The following DNAJC5 variants were observed in gnomAD, a reference collection of about 807,000 sequenced individuals.
DNAJC5 encodes the protein dnaJ homolog subfamily C member 5.
Under a neutral mutation model 23.2 loss-of-function variants are expected in DNAJC5, and 1 was observed. That is an observed-to-expected ratio of 0.04 (90% CI 0.02 to 0.20). The LOEUF (loss-of-function observed/expected upper bound fraction) is 0.20. Ranked by LOEUF, DNAJC5 falls within the 10% of genes least tolerant of loss-of-function variation. The pLI is 1.00. For missense variants in DNAJC5, 180 were observed against 267.0 expected (o/e 0.67, Z 2.27); for synonymous variants, 136 against 120.0 (o/e 1.13, Z -0.87).
At position 63,931,719 on chromosome 20, in the gene DNAJC5, AC is replaced by A; in HGVS notation, c.*154del. On this transcript the variant is annotated 3_prime_UTR_variant, in exon 5 of 5. Transcript: ENST00000360864. The surrounding 1 kb of genome is among the most constrained non-coding windows in gnomAD (Gnocchi z 9.6). ...CTGCCTCCACGCCCACCCAGCGTCG[AC>A]CCTTGACCCACGAAGTGCGTAGCAT... 1.3e-6 allele frequency: 1 copy of A among 741,148 alleles called. No homozygotes were observed. Among genetic ancestry groups the A allele is most frequent in the Non-Finnish European group, 2.4e-6 (1 of 424,360 alleles). The allele number at this position is 741,148 out of a possible 1,614,324, so 45.9% of individuals were successfully genotyped here. A position where few individuals can be genotyped will look rare whatever the true frequency, so the allele number is the denominator to read the frequency against.
intron 1 of DNAJC5, among the ~76,000 whole-genome samples, chr20:63,927,730 CCTTA>C (rs1171660121): frequency 1.3e-5 from 2 of 151,982 alleles, no homozygotes; most frequent in African/African-American, 2.4e-5. Context: ...TCTGTCAGTC[CCTTA>C]CTTTAATTGG....
chr20:63,904,293 C>T (rs1428398360), intron 1 of DNAJC5, among the ~76,000 whole-genome samples: 3 of 152,030 alleles, frequency 2.0e-5, no homozygotes, highest in African/African-American at 7.2e-5. Context: ...CAAAATTACC[C>T]TTTTTTCCCC....
intron 1 of DNAJC5, chr20:63,908,987 C>T (rs986919536): frequency 3.3e-5 from 5 of 151,742 alleles, no homozygotes; most frequent in African/African-American, 4.8e-5. Flanking sequence ...ACCATGATCG[C>T]GAAGGTGGTT....
rs565668761 is a variant in DNAJC5 at position 63,934,502 on chromosome 20, G to A, written c.*2934G>A. 4 of 152,408 alleles carry A rather than the reference G, an allele frequency of 2.6e-5. No individual in the cohort carries two copies. The highest frequency in any genetic ancestry group is 2.0e-4 in the Admixed American group (3 of 15,308). The allele number at this position is 152,408 out of a possible 1,614,324, so 9.4% of individuals were successfully genotyped here. A position where few individuals can be genotyped will look rare whatever the true frequency, so the allele number is the denominator to read the frequency against. ...GCCCGTCCGGTTCACGAGGGGGTCC[G>A]GGCAGCACTGACTGCTTCCGACCTG... On this transcript the variant is annotated 3_prime_UTR_variant, in exon 5 of 5. Coordinates refer to ENST00000360864, the MANE Select transcript of DNAJC5 (RefSeq NM_025219.3).
chr20:63,906,613 T>G (rs1006977704), intron 1 of DNAJC5, among the ~76,000 whole-genome samples: 1 of 151,148 alleles, frequency 6.6e-6, no homozygotes, highest in African/African-American at 2.4e-5. Context: ...TGAAACCCCG[T>G]CTCTACTAAA....
At position 63,931,425 on chromosome 20, in the gene DNAJC5, C is replaced by T. The variant is rs1008003299; in HGVS notation, c.494-40C>T. ...GGACCAGCGTTGGGTGCGCGCCAGG[C>T]TGTGGCCCTCGTGCAGTGCCCTGTG... On this transcript the variant is annotated intron_variant, in intron 4 of 4. Coordinates refer to ENST00000360864, the MANE Select transcript of DNAJC5 (RefSeq NM_025219.3). This position sits in a 1 kb window ranked among gnomAD's most constrained non-coding sequence, Gnocchi z 9.6. 6.6e-7 allele frequency: 1 copy of T among 1,520,992 alleles called. No individual in the cohort carries two copies. Among genetic ancestry groups the T allele is most frequent in the Admixed American group, 2.0e-5 (1 of 51,018 alleles). The allele number at this position is 1,520,992 out of a possible 1,614,324, so 94.2% of individuals were successfully genotyped here. A position where few individuals can be genotyped will look rare whatever the true frequency, so the allele number is the denominator to read the frequency against.
chr20:63,931,346 C>G lies in DNAJC5; in HGVS notation c.494-119C>G. The G allele has an allele frequency of 9.8e-7, 1 of 1,021,714 alleles. No homozygotes were observed. Among genetic ancestry groups the G allele is most frequent in the Non-Finnish European group, 1.5e-6 (1 of 680,306 alleles). 63.3% of individuals were successfully genotyped at this position (1,021,714 alleles called of 1,614,324 possible). A position where few individuals can be genotyped will look rare whatever the true frequency, so the allele number is the denominator to read the frequency against. On this transcript the variant is annotated intron_variant, in intron 4 of 4. Transcript: ENST00000360864. The surrounding 1 kb of genome is among the most constrained non-coding windows in gnomAD (Gnocchi z 9.6). Reference sequence around the variant, plus strand: ...GAAAGCCGTGTGGGGTGGAGGTCAGCGAGTAGCCTCTCCCGGTGGAGAGTT... The same window carrying G: ...GAAAGCCGTGTGGGGTGGAGGTCAGGGAGTAGCCTCTCCCGGTGGAGAGTT...
chr20:63,930,410 C>T lies in DNAJC5; in HGVS notation c.322-441C>T, dbSNP rs559138033. ...TTTCCCAGGCTGGAGTGCAGTGGCG[C>T]GATCTTGGCTCACTGCAAGCTCCAC... On this transcript the variant is annotated intron_variant, in intron 3 of 4. Coordinates refer to ENST00000360864, the MANE Select transcript of DNAJC5 (RefSeq NM_025219.3). Among the ~76,000 whole-genome samples the T allele has an allele frequency of 1.1e-4, 16 of 152,176 alleles. No homozygotes were observed. In the East Asian group the frequency reaches 2.7e-3, roughly 26 times the overall value.
intron 1 of DNAJC5, among the ~76,000 whole-genome samples, chr20:63,917,450 G>A (rs1285817951): frequency 6.6e-6 from 1 of 152,120 alleles, no homozygotes; most frequent in Non-Finnish European, 1.5e-5. Flanking sequence ...ATGGGGTTTC[G>A]CTGTGTTGTC....
chr20:63,924,940 C>T lies in DNAJC5; in HGVS notation c.-11-3395C>T, dbSNP rs1006978076. ...TTCGGCCATTCCCGAGCTCATGTAC[C>T]GCACTCAAGATCAAGGATACACTGG... On this transcript the variant is annotated intron_variant, in intron 1 of 4. Coordinates refer to ENST00000360864, the MANE Select transcript of DNAJC5 (RefSeq NM_025219.3). Among the ~76,000 whole-genome samples, 14 of 152,318 alleles carry T rather than the reference C, an allele frequency of 9.2e-5. 1 individual carries two copies. Among genetic ancestry groups the T allele is most frequent in the South Asian group, 2.1e-4 (1 of 4,828 alleles).
intron 1 of DNAJC5, among the ~76,000 whole-genome samples, chr20:63,927,242 C>T (rs1023420087): frequency 2.0e-5 from 3 of 151,884 alleles, no homozygotes; most frequent in South Asian, 2.1e-4. Context: ...ATTTGCCAGG[C>T]GCTGTGGCTC....
At position 63,928,671 on chromosome 20, in the gene DNAJC5, G is replaced by A. The variant is rs558686886; in HGVS notation, c.107+219G>A. Among the ~76,000 whole-genome samples the A allele has an allele frequency of 9.2e-5, 14 of 152,316 alleles. No individual in the cohort carries two copies. In the East Asian group the frequency reaches 2.7e-3, roughly 29 times the overall value. ...TCTTGCCAACAAAAAATAGCACTTA[G>A]TAGAAACTGACACACTGTCCACAGT... On this transcript the variant is annotated intron_variant, in intron 2 of 4. Coordinates refer to ENST00000360864, the MANE Select transcript of DNAJC5 (RefSeq NM_025219.3). This position sits in a 1 kb window ranked among gnomAD's most constrained non-coding sequence, Gnocchi z 4.6.
intron 1 of DNAJC5, among the ~76,000 whole-genome samples, chr20:63,902,358 CTTTTTTTTTT>C (rs34309020): frequency 1.2e-5 from 1 of 83,328 alleles, no homozygotes. Flanking sequence ...CTGGCCTCAT[CTTTTTTTTTT>C]TTTTTTTTTT....
At position 63,933,465 on chromosome 20, in the gene DNAJC5, C is replaced by G. The variant is rs1374428147; in HGVS notation, c.*1897C>G. 1 of 152,322 alleles carries G rather than the reference C, an allele frequency of 6.6e-6. No individual in the cohort carries two copies. 9.4% of individuals were successfully genotyped at this position (152,322 alleles called of 1,614,324 possible). On this transcript the variant is annotated 3_prime_UTR_variant, in exon 5 of 5. Transcript: ENST00000360864. ...TCCCACTTTTCTTTGTTTCTTCTCA[C>G]TAAAATGATCACGAAGACCTTTGAC...
At chr20:63,927,394 G>T (rs2053625191) in intron 1 of DNAJC5, among the ~76,000 whole-genome samples, 1 of 152,154 alleles carries the variant, frequency 6.6e-6, no homozygotes, top group African/African-American at 2.4e-5. Context: ...AAATTAGCTG[G>T]GTGTGGTGGC....
rs1384922951 is a variant in DNAJC5, at chr20:63,899,817, G to A, written c.-12+4494G>A. Among the ~76,000 whole-genome samples the A allele has an allele frequency of 1.1e-4, 16 of 150,764 alleles. 1 individual carries two copies. Among genetic ancestry groups the A allele is most frequent in the African/African-American group, 2.0e-4 (8 of 41,016 alleles). On this transcript the variant is annotated intron_variant, in intron 1 of 4. Transcript: ENST00000360864. ...AGGATGGTCTCGATCTCCTGACCTT[G>A]TGATCCGCCCATCTTGGCCTCCCAA...
At chr20:63,907,537 C>G (rs1233782444) in intron 1 of DNAJC5, among the ~76,000 whole-genome samples, 2 of 152,180 alleles carry the variant, frequency 1.3e-5, no homozygotes, top group African/African-American at 4.8e-5. Flanking sequence ...AATGGCAGCT[C>G]AGACAGGTGA....
intron 1 of DNAJC5, among the ~76,000 whole-genome samples, chr20:63,904,747 A>G (rs1250246069): frequency 6.6e-6 from 1 of 152,172 alleles, no homozygotes; most frequent in Non-Finnish European, 1.5e-5. Flanking sequence ...CTTATCTTAT[A>G]TTTTTAAAAG....
chr20:63,924,902 A>G (rs529743126), intron 1 of DNAJC5, among the ~76,000 whole-genome samples: 1 of 152,354 alleles, frequency 6.6e-6, no homozygotes, highest in African/African-American at 2.4e-5. Context: ...CCTGTGTTAT[A>G]GCTTGTACTG....
Sources: allele counts gnomAD v4.1 joint callset (sites outside exome capture counted in the v4.1 genomes callset), GRCh38; gene constraint gnomAD v4.1.1; non-coding constraint Gnocchi (gnomAD v3.1); transcripts MANE v1.5; gene names NCBI Gene and HGNC (gene_info 2026-07-23, HGNC 2026-07-21).